MACROD2: variants seen among roughly 807,000 people sequenced by gnomAD.
MACROD2 encodes the protein ADP-ribose glycohydrolase MACROD2.
Under a neutral mutation model 70.4 loss-of-function variants are expected in MACROD2, and 36 were observed. The observed-to-expected ratio is 0.51, with a 90% confidence interval of 0.39 to 0.68. MACROD2 has a LOEUF of 0.68. Ranked by LOEUF, MACROD2 falls within the 30% of genes least tolerant of loss-of-function variation. The pLI is 0.00. For synonymous variants in MACROD2, 172 were observed against 178.8 expected, an observed-to-expected ratio of 0.96 and a Z score of 0.30; for missense variants, 496 against 538.4, an observed-to-expected ratio of 0.92 and a Z score of 0.78.
intron 5 of MACROD2, among the ~76,000 whole-genome samples, chr20:14,750,232 A>G (rs2071852392): frequency 6.6e-6 from 1 of 152,072 alleles, no homozygotes; most frequent in African/African-American, 2.4e-5. Context: ...TATCATATAA[A>G]CTCATTTGAG....
rs2075151289 is a variant in MACROD2 at position 15,019,901 on chromosome 20, CATA to C, written c.419-210030_419-210028del. ...CGAACATTTTATTGATGAAATTAAA[CATA>C]ATAATAATTGAATACTTAAAATATT... On this transcript the variant is annotated intron_variant, in intron 5 of 17. Transcript: ENST00000684519. 3.3e-5 allele frequency among the ~76,000 whole-genome samples: 5 copies of C among 152,072 alleles called. No individual in the cohort carries two copies. The South Asian group carries it at 8.3e-4, about 25-fold the overall frequency.
At chr20:14,184,608 A>T (rs1196472981) in intron 3 of MACROD2, among the ~76,000 whole-genome samples, 1 of 152,104 alleles carries the variant, frequency 6.6e-6, no homozygotes, top group African/African-American at 2.4e-5. Flanking sequence ...TGAATCTACA[A>T]ATTGCTTTGG....
intron 5 of MACROD2, among the ~76,000 whole-genome samples, chr20:14,699,203 T>G (rs1307209150): frequency 1.3e-5 from 2 of 152,178 alleles, no homozygotes; most frequent in Non-Finnish European, 2.9e-5. Flanking sequence ...GTTCAAAGTC[T>G]ATTTCTAAGC....
intron 5 of MACROD2, among the ~76,000 whole-genome samples, chr20:15,201,893 TTATACA>T (rs2076659575): frequency 6.6e-6 from 1 of 152,160 alleles, no homozygotes; most frequent in Non-Finnish European, 1.5e-5. Flanking sequence ...ATGTTTAGGA[TTATACA>T]TCACATTCTG....
chr20:15,963,711 C>T (rs1012114934), intron 12 of MACROD2, among the ~76,000 whole-genome samples: 5 of 151,126 alleles, frequency 3.3e-5, no homozygotes, highest in Admixed American at 1.3e-4. Context: ...TGTGTAGATA[C>T]GTGTAATTGA....
chr20:14,393,846 A>C (rs891257418), intron 3 of MACROD2, among the ~76,000 whole-genome samples: 1 of 152,166 alleles, frequency 6.6e-6, no homozygotes, highest in Admixed American at 6.5e-5. Context: ...GGTTAAGATG[A>C]TGTCATGCGG....
Position 13,995,934 on chromosome 20 carries a change from G to A in MACROD2, c.46+125G>A. 3.6e-6 allele frequency: 4 copies of A among 1,120,966 alleles called. No individual in the cohort carries two copies. Among genetic ancestry groups the A allele is most frequent in the Non-Finnish European group, 5.2e-6 (4 of 769,894 alleles). 69.4% of individuals were successfully genotyped at this position (1,120,966 alleles called of 1,614,324 possible). On this transcript the variant is annotated intron_variant, in intron 1 of 17. Coordinates refer to ENST00000684519, the MANE Select transcript of MACROD2 (RefSeq NM_001351661.2). This position sits in a 1 kb window ranked among gnomAD's most constrained non-coding sequence, Gnocchi z 4.3. The stretch of plus-strand genomic sequence containing the variant: ...GCCTCGCGCCCTCCCGGCCGGTGCC[G>A]CCTCCCTCCGGTGTCCGTGTGTACA...
chr20:14,474,147 C>T (rs2084562390), intron 3 of MACROD2, among the ~76,000 whole-genome samples: 1 of 151,436 alleles, frequency 6.6e-6, no homozygotes, highest in African/African-American at 2.4e-5. Context: ...TTGATTGTTT[C>T]CCTTTGCTGT....
At chr20:15,786,944 AAAG>A (rs944019577) in intron 8 of MACROD2, among the ~76,000 whole-genome samples, 2 of 152,098 alleles carry the variant, frequency 1.3e-5, no homozygotes, top group African/African-American at 4.8e-5. Flanking sequence ...CTGTAGGAAT[AAAG>A]AAAATTTTTG....
chr20:15,587,561 G>A (rs755059360), intron 8 of MACROD2, among the ~76,000 whole-genome samples: 1 of 152,210 alleles, frequency 6.6e-6, no homozygotes. Flanking sequence ...CTATGAGCCT[G>A]TAAAATCAAA....
chr20:14,817,390 G>A lies in MACROD2; in HGVS notation c.418+132431G>A, dbSNP rs140126576. Among the ~76,000 whole-genome samples the A allele has an allele frequency of 1.5e-3, 231 of 152,166 alleles. 2 individuals are homozygous for A. The highest frequency in any genetic ancestry group is 5.2e-3 in the African/African-American group (216 of 41,524). ...TGCCCCTGTGGCTCATACATGCGTC[G>A]TGTTGAAAACCACATGTAAAAGACA... On this transcript the variant is annotated intron_variant, in intron 5 of 17. Transcript: ENST00000684519.
intron 8 of MACROD2, among the ~76,000 whole-genome samples, chr20:15,601,680 C>T (rs371403778): frequency 2.6e-5 from 4 of 152,148 alleles, no homozygotes; most frequent in African/African-American, 9.7e-5. Context: ...TCAAGCATGA[C>T]TCATTTATAC....
At chr20:14,086,801 A>G (rs1601205568) in intron 3 of MACROD2, among the ~76,000 whole-genome samples, 1 of 152,162 alleles carries the variant, frequency 6.6e-6, no homozygotes, top group African/African-American at 2.4e-5. Context: ...TGGCCTTGTC[A>G]TTGGTTGCAA....
chr20:14,396,388 C>A (rs2083579552), intron 3 of MACROD2, among the ~76,000 whole-genome samples: 1 of 152,056 alleles, frequency 6.6e-6, no homozygotes, highest in Admixed American at 6.5e-5. Context: ...TGTTTTGAAT[C>A]TTTGTTATTA....
At chr20:15,461,005 TA>T (rs60324940) in intron 7 of MACROD2, among the ~76,000 whole-genome samples, 6,942 of 64,446 alleles carry the variant, frequency 0.11, 510 homozygotes, top group Middle Eastern at 0.17. Context: ...TATATATATA[TA>T]TTTTTTTTTA....
chr20:14,603,823 A>G (rs1414160450), intron 4 of MACROD2, among the ~76,000 whole-genome samples: 1 of 152,174 alleles, frequency 6.6e-6, no homozygotes, highest in Admixed American at 6.5e-5. Flanking sequence ...GTCTGGCAGT[A>G]TTAGGACCAA....
chr20:15,496,686 G>A (rs953460368), intron 7 of MACROD2, among the ~76,000 whole-genome samples: 1 of 152,192 alleles, frequency 6.6e-6, no homozygotes, highest in East Asian at 1.9e-4. Flanking sequence ...AGAATTTTAT[G>A]AGATGAGAAT....
intron 6 of MACROD2, among the ~76,000 whole-genome samples, chr20:15,394,456 G>A (rs1339657696): frequency 1.3e-5 from 2 of 152,132 alleles, no homozygotes; most frequent in East Asian, 1.9e-4. Context: ...GATACTTACA[G>A]TATTAACCAA....
chr20:15,383,943 TA>T (rs2045677694), intron 6 of MACROD2, among the ~76,000 whole-genome samples: 1 of 152,202 alleles, frequency 6.6e-6, no homozygotes, highest in Admixed American at 6.5e-5. Flanking sequence ...GCAATTCAGC[TA>T]TTTTTTTTTC....
Sources: gnomAD v4.1 joint callset for allele counts (sites outside exome capture counted in the v4.1 genomes callset) on GRCh38, gnomAD v4.1.1 for gene constraint, Gnocchi (gnomAD v3.1) non-coding constraint, MANE v1.5 for transcripts, NCBI Gene and HGNC (gene_info 2026-07-23, HGNC 2026-07-21) for gene names.